The following ENPP7 variants were observed in gnomAD, a reference collection of about 807,000 sequenced individuals.
ENPP7 encodes ectonucleotide pyrophosphatase/phosphodiesterase family member 7.
In ENPP7, 39 loss-of-function variants were observed where a neutral mutation model predicts 33.6. The observed-to-expected ratio is 1.16, with a 90% CI of 0.90 to 1.52. ENPP7 has a LOEUF of 1.52. ENPP7 is among the 40% of genes most tolerant of loss of function. The pLI, the probability that ENPP7 is intolerant of heterozygous loss-of-function variation, is 0.00. For synonymous variants in ENPP7, 244 were observed against 274.3 expected, an observed-to-expected ratio of 0.89 and a Z score of 1.09; for missense variants, 594 against 641.0, an observed-to-expected ratio of 0.93 and a Z score of 0.79.
At chr17:79,741,387 C>T (rs906873049) in intron 5 of ENPP7, among the ~76,000 whole-genome samples, 2 of 152,228 alleles carry the variant, frequency 1.3e-5, no homozygotes, top group African/African-American at 4.8e-5. Flanking sequence ...CCTGACTTTA[C>T]AGAGTCCTCC....
intron 5 of ENPP7, among the ~76,000 whole-genome samples, chr17:79,740,397 A>G (rs1332616793): frequency 6.6e-6 from 1 of 152,138 alleles, no homozygotes; most frequent in East Asian, 1.9e-4. Context: ...AGGGCACCAA[A>G]GAGTGGCTGG....
intron 2 of ENPP7, among the ~76,000 whole-genome samples, chr17:79,734,818 A>G (rs1048595261): frequency 4.6e-5 from 7 of 152,194 alleles, no homozygotes; most frequent in African/African-American, 1.7e-4. Flanking sequence ...TTAGTGCTCA[A>G]GTCCAGTGGG....
rs148063233 is a variant in ENPP7, at chr17:79,737,917, A to G, written c.1248A>G (p.Glu416=). 7.9e-4 allele frequency: 1,278 copies of G among 1,613,700 alleles called. 11 individuals carry two copies. In the African/African-American group the frequency reaches 0.015, roughly 19 times the overall value. The change falls in exon 5 of 6, where the codon GAA becomes GAG. Residue 416 remains glutamate (E), a splice_region_variant and synonymous_variant. Coordinates refer to ENST00000328313, the MANE Select transcript of ENPP7 (RefSeq NM_178543.5). This position sits in a 1 kb window ranked among gnomAD's most constrained non-coding sequence, Gnocchi z 5.5. ...CACAGGTCCTCTGGCTTTCCTTAGA[A>G]TCTGCTCTTCCGCCTGATGGAAGGC... ...LATLLPMLHT[E]SALPPDGRPT...
Position 79,735,439 on chromosome 17 carries a change from C to T in ENPP7, c.796C>T (p.Pro266Ser), listed in dbSNP as rs2094293756. The T allele has an allele frequency of 1.2e-6, 2 of 1,613,988 alleles. No individual in the cohort carries two copies. The highest frequency in any genetic ancestry group is 2.2e-5 in the South Asian group (2 of 91,090). The stretch of plus-strand genomic sequence containing the variant: ...CGACCTGGTTGAATTCCACAAGTTC[C>T]CCAACTTCACCTTCCGGGACATCGA... ...AGDLVEFHKF[P>S]NFTFRDIEFE... Residue 266 changes from proline (P) to serine (S), a missense_variant, in exon 3 of 6, where the codon CCC (proline) becomes TCC (serine). Physicochemically the swap from Pro to Ser is moderately conservative, Grantham distance 74. Transcript: ENST00000328313. This position sits in a 1 kb window ranked among gnomAD's most constrained non-coding sequence, Gnocchi z 5.5.
rs199658107 is a variant in ENPP7, at chr17:79,733,618, G to A, written c.364G>A (p.Gly122Ser). ...TLGIQRWWDN[G>S]SVPIWITAQR... ...GGGCATCCAGAGGTGGTGGGACAAC[G>A]GCAGCGTGCCCATCTGGATCACAGC... The change falls in exon 2 of 6, where the codon GGC (glycine) becomes AGC (serine). Residue 122 changes from glycine (G) to serine (S), a missense_variant. Gly to Ser is a moderately conservative substitution (Grantham distance 56). This residue lies in a region of ENPP7 where 504 missense variants were observed against 512.8 expected (regional missense o/e 0.98). Coordinates refer to ENST00000328313, the MANE Select transcript of ENPP7 (RefSeq NM_178543.5). The A allele has an allele frequency of 7.6e-5, 122 of 1,613,054 alleles. No individual in the cohort carries two copies. Among genetic ancestry groups the A allele is most frequent in the Non-Finnish European group, 9.4e-5 (111 of 1,179,986 alleles).
rs201000413 is a variant in ENPP7 at position 79,733,518 on chromosome 17, C to T, written c.264C>T (p.Ile88=). The T allele has an allele frequency of 1.3e-4, 205 of 1,612,818 alleles. No individual in the cohort carries two copies. The highest frequency in any genetic ancestry group is 1.7e-4 in the Middle Eastern group (1 of 6,052). ...CTCTTCCTCCCTCAGGCAAATATAT[C>T]GAGAACCACGGGGTGGTTCACAACA... ...CHFTLVTGKY[I]ENHGVVHNMY... Residue 88 remains isoleucine (I), a synonymous_variant, in exon 2 of 6, where the codon ATC becomes ATT. Transcript: ENST00000328313.
At chr17:79,731,496 G>A in intron 1 of ENPP7, 104 bp downstream of exon 1, 3 of 1,375,636 alleles carry the variant, frequency 2.2e-6, no homozygotes, top group Non-Finnish European at 2.9e-6. Context: ...CTTGCTCCAG[G>A]CACAGGACAG....
In ENPP7 at chr17:79,738,251, C is replaced by T; in HGVS notation, c.*16+189C>T. ...AGATCCCGAGGCTGACCCTTCCAGC[C>T]TCTCTGCTCTGGGCTTGGAGGAGGT... On this transcript the variant is annotated intron_variant, in intron 5 of 5. Transcript: ENST00000328313. The surrounding 1 kb of genome is among the most constrained non-coding windows in gnomAD (Gnocchi z 6.2). The T allele has an allele frequency of 1.7e-6, 1 of 591,966 alleles. No homozygotes were observed. The highest frequency in any genetic ancestry group is 2.9e-5 in the East Asian group (1 of 34,570). 36.7% of individuals were successfully genotyped at this position (591,966 alleles called of 1,614,324 possible).
chr17:79,740,997 C>CT (rs1284292037), intron 5 of ENPP7, among the ~76,000 whole-genome samples: 2 of 151,650 alleles, frequency 1.3e-5, no homozygotes, highest in Non-Finnish European at 2.9e-5. Context: ...CTTTTCTTTT[C>CT]TTTTTTACAC....
chr17:79,734,910 C>T, intron 2 of ENPP7, 133 bp from the exon 3 acceptor site: 2 of 895,152 alleles, frequency 2.2e-6, no homozygotes, highest in Non-Finnish European at 3.3e-6. Flanking sequence ...AAAGGCCCCG[C>T]AGCTGCAGCT....
Position 79,741,992 on chromosome 17 carries a change from C to A in ENPP7, c.*215C>A. The A allele has an allele frequency of 1.0e-6, 1 of 981,496 alleles. No homozygotes were observed. The highest frequency in any genetic ancestry group is 1.2e-6 in the Non-Finnish European group (1 of 825,596). 60.8% of individuals were successfully genotyped at this position (981,496 alleles called of 1,614,324 possible). A position where few individuals can be genotyped will look rare whatever the true frequency, so the allele number is the denominator to read the frequency against. On this transcript the variant is annotated 3_prime_UTR_variant, in exon 6 of 6. Transcript: ENST00000328313. ...GCCCAGGTCCAGAGCCCCCGGCGAG[C>A]CGGTCCCATAACCGGCCCCCTGCCC...
chr17:79,731,274 C>T lies in ENPP7; in HGVS notation c.135C>T (p.Tyr45=), dbSNP rs373623764. The T allele has an allele frequency of 6.2e-5, 100 of 1,613,926 alleles. No homozygotes were observed. The highest frequency in any genetic ancestry group is 6.0e-4 in the South Asian group (55 of 91,076). The change falls in exon 1 of 6, where the codon TAC becomes TAT. Residue 45 remains tyrosine (Y), a synonymous_variant. Transcript: ENST00000328313. ...LVSFDGFRWN[Y]DQDVDTPNLD... ...CCTTCGACGGCTTCCGCTGGAACTACGACCAGGACGTGGACACCCCCAACC... is the reference window on the plus strand; with the variant it reads ...CCTTCGACGGCTTCCGCTGGAACTATGACCAGGACGTGGACACCCCCAACC...
intron 1 of ENPP7, 45 bp from the exon 2 acceptor site, chr17:79,733,463 G>T: frequency 6.3e-7 from 1 of 1,595,954 alleles, no homozygotes; most frequent in Middle Eastern, 1.7e-4. Context: ...CCTTCGCTGT[G>T]ACCCCGGTCC....
intron 1 of ENPP7, among the ~76,000 whole-genome samples, chr17:79,732,139 T>TATATAC (rs1196320677): frequency 1.9e-5 from 1 of 53,598 alleles, no homozygotes; most frequent in Non-Finnish European, 3.3e-5. Flanking sequence ...TATGTATATA[T>TATATAC]ATATATATAT....
chr17:79,732,610 G>A (rs1377498873), intron 1 of ENPP7, among the ~76,000 whole-genome samples: 3 of 152,126 alleles, frequency 2.0e-5, no homozygotes, highest in Non-Finnish European at 4.4e-5. Context: ...CTGGGCTGGC[G>A]GCAGCATCAC....
intron 1 of ENPP7, among the ~76,000 whole-genome samples, 161 bp downstream of exon 1, chr17:79,731,553 C>T (rs531101092): frequency 3.3e-5 from 5 of 149,296 alleles, no homozygotes; most frequent in African/African-American, 7.5e-5. Context: ...GCAACAGATC[C>T]GGGACAAAGA....
At chr17:79,736,830 T>G (rs561613892) in intron 3 of ENPP7, among the ~76,000 whole-genome samples, 2 of 152,342 alleles carry the variant, frequency 1.3e-5, no homozygotes, top group Non-Finnish European at 2.9e-5. Flanking sequence ...GGGTCTGGTC[T>G]CCGTTCATTT....
In ENPP7 at chr17:79,738,629, C is replaced by G. The variant is rs1296366015; in HGVS notation, c.*16+567C>G. On this transcript the variant is annotated intron_variant, in intron 5 of 5. Transcript: ENST00000328313. The surrounding 1 kb of genome is among the most constrained non-coding windows in gnomAD (Gnocchi z 6.2). ...GTTCCTGGAACTCTCTGGAAGCCCACCTCCAAGGACACGCGTGGGGTGCAT... is the reference window on the plus strand; with the variant it reads ...GTTCCTGGAACTCTCTGGAAGCCCAGCTCCAAGGACACGCGTGGGGTGCAT... 6.6e-6 allele frequency: 1 copy of G among 152,604 alleles called. No individual in the cohort carries two copies. Among genetic ancestry groups the G allele is most frequent in the Non-Finnish European group, 1.5e-5 (1 of 68,474 alleles). The allele number at this position is 152,604 out of a possible 1,614,324, so 9.5% of individuals were successfully genotyped here.
In ENPP7 at chr17:79,735,785, C is replaced by G. The variant is rs1266337460; in HGVS notation, c.1026+116C>G. The G allele has an allele frequency of 1.0e-6, 1 of 953,360 alleles. No individual in the cohort carries two copies. The highest frequency in any genetic ancestry group is 2.6e-5 in the Admixed American group (1 of 37,980). The allele number at this position is 953,360 out of a possible 1,614,324, so 59.1% of individuals were successfully genotyped here. On this transcript the variant is annotated intron_variant, in intron 3 of 5. Transcript: ENST00000328313. The surrounding 1 kb of genome is among the most constrained non-coding windows in gnomAD (Gnocchi z 5.5). ...TGTTGCCCAGGCTGGAGTGCAATGG[C>G]AGGATCTCAGCTCACTGCAGCCTTA...
Sources: allele counts gnomAD v4.1 joint callset (sites outside exome capture counted in the v4.1 genomes callset), GRCh38; gene constraint gnomAD v4.1.1; regional missense constraint gnomAD v4.1.1; non-coding constraint Gnocchi (gnomAD v3.1); transcripts MANE v1.5; gene names NCBI Gene and HGNC (gene_info 2026-07-23, HGNC 2026-07-21).